KHDRBS1: variants seen among roughly 807,000 people sequenced by gnomAD.
KHDRBS1 encodes KH domain-containing, RNA-binding, signal transduction-associated protein 1.
Under a neutral mutation model 48.4 loss-of-function variants are expected in KHDRBS1, and 7 were observed. The observed-to-expected ratio is 0.14, with a 90% CI of 0.08 to 0.27. The LOEUF (loss-of-function observed/expected upper bound fraction) is 0.27, where lower values mean the gene tolerates loss of function less well. Ranked by LOEUF, KHDRBS1 falls within the 10% of genes least tolerant of loss-of-function variation. KHDRBS1 has a pLI of 1.00. For synonymous variants in KHDRBS1, 241 were observed against 235.8 expected (o/e 1.02, Z -0.20); for missense variants, 458 against 601.2 (o/e 0.76, Z 2.49).
At position 32,031,604 on chromosome 1, in the gene KHDRBS1, T is replaced by G; in HGVS notation, c.588T>G (p.Ser196=). 5 of 1,611,194 alleles carry G rather than the reference T, an allele frequency of 3.1e-6. No individual in the cohort carries two copies. The highest frequency in any genetic ancestry group is 4.2e-6 in the Non-Finnish European group (5 of 1,178,372). ...AGGAAGAGACTGGTGCAAAGATCTC[T>G]GTATTGGGAAAGGGCTCAATGAGAG... ...RLQEETGAKI[S]VLGKGSMRDK... The change falls in exon 3 of 9, where the codon TCT becomes TCG. Residue 196 remains serine, a synonymous_variant. Coordinates refer to ENST00000327300, the MANE Select transcript of KHDRBS1 (RefSeq NM_006559.3).
Position 32,037,923 on chromosome 1 carries a change from G to A in KHDRBS1, c.994G>A (p.Gly332Ser). 6.2e-7 allele frequency: 1 copy of A among 1,614,212 alleles called. No individual in the cohort carries two copies. Among genetic ancestry groups the A allele is most frequent in the Admixed American group, 1.7e-5 (1 of 60,028 alleles). ...CACCAGAGGTGCCACTGTGACTCGA[G>A]GCGTGCCACCCCCACCTACTGTGAG... is the stretch of plus-strand genomic sequence containing the variant. ...AITRGATVTR[G>S]VPPPPTVRGA... Residue 332 changes from glycine to serine, a missense_variant, in exon 6 of 9, where the codon GGC (glycine) becomes AGC (serine). Gly to Ser is a moderately conservative substitution (Grantham distance 56). Coordinates refer to ENST00000327300, the MANE Select transcript of KHDRBS1 (RefSeq NM_006559.3).
rs528054845 is a variant in KHDRBS1 at position 32,028,956 on chromosome 1, A to C, written c.383-1342A>C. ...ATAGTCTGGGAACTCCAGTATATAA[A>C]CAGTGAAGACAAGAGACCAGTCTGA... is the stretch of plus-strand genomic sequence containing the variant. On this transcript the variant is annotated intron_variant, in intron 1 of 8. Transcript: ENST00000327300. Among the ~76,000 whole-genome samples the C allele has an allele frequency of 2.6e-5, 4 of 152,224 alleles. No homozygotes were observed. In the South Asian group the frequency reaches 8.3e-4, roughly 32 times the overall value.
chr1:32,045,435 A>G (rs1639345601), downstream of KHDRBS1: 1 of 152,636 alleles, frequency 6.6e-6, no homozygotes, highest in African/African-American at 2.4e-5. Context: ...GCCTTTTATC[A>G]TAACTGTAAA....
chr1:32,019,396 A>G (rs1638810840), intron 1 of KHDRBS1, among the ~76,000 whole-genome samples: 1 of 152,046 alleles, frequency 6.6e-6, no homozygotes, highest in East Asian at 1.9e-4. Context: ...CTAAAAATAC[A>G]AAAATTAGTT....
chr1:32,050,765 C>T (rs1392231858), intron 10 of KHDRBS1, among the ~76,000 whole-genome samples: 1 of 151,960 alleles, frequency 6.6e-6, no homozygotes, highest in Non-Finnish European at 1.5e-5. Context: ...GGCAGTCCAC[C>T]CACCTCGGCC....
chr1:32,017,848 C>T (rs1270305995), intron 1 of KHDRBS1, among the ~76,000 whole-genome samples: 3 of 151,830 alleles, frequency 2.0e-5, no homozygotes, highest in Non-Finnish European at 4.4e-5. Context: ...CTCAGGTGAT[C>T]CGCCTGCCTC....
intron 10 of KHDRBS1, among the ~76,000 whole-genome samples, chr1:32,051,416 T>C (rs1639420478): frequency 6.6e-6 from 1 of 152,240 alleles, no homozygotes; most frequent in Non-Finnish European, 1.5e-5. Context: ...GATCAGATTA[T>C]TTTTACATCA....
At chr1:32,059,514 T>C (rs1639519639) in intron 10 of KHDRBS1, among the ~76,000 whole-genome samples, 1 of 151,130 alleles carries the variant, frequency 6.6e-6, no homozygotes, top group African/African-American at 2.4e-5. Flanking sequence ...TACTCCAGTC[T>C]GAGTGACAAA....
rs891316582 is a variant in KHDRBS1 at position 32,026,983 on chromosome 1, C to T, written c.383-3315C>T. ...CTAATTTTTATATTTTTAGTAGAGA[C>T]GGGGTTTCCCCATGTTGACCAAGCT... On this transcript the variant is annotated intron_variant, in intron 1 of 8. Coordinates refer to ENST00000327300, the MANE Select transcript of KHDRBS1 (RefSeq NM_006559.3). 1.5e-4 allele frequency among the ~76,000 whole-genome samples: 23 copies of T among 152,152 alleles called. 1 individual carries two copies. Among genetic ancestry groups the T allele is most frequent in the Non-Finnish European group, 1.5e-5 (1 of 68,030 alleles).
chr1:32,017,903 G>C (rs766399362), intron 1 of KHDRBS1, among the ~76,000 whole-genome samples: 85 of 151,844 alleles, frequency 5.6e-4, no homozygotes, highest in African/African-American at 2.0e-3. Context: ...CACTGCGCCC[G>C]GCCTATTTTT....
intron 10 of KHDRBS1, among the ~76,000 whole-genome samples, chr1:32,054,794 A>G (rs1013746550): frequency 6.6e-6 from 1 of 152,154 alleles, no homozygotes; most frequent in East Asian, 1.9e-4. Context: ...TTTTAAGCTC[A>G]TCGGCTGTCG....
Position 32,038,017 on chromosome 1 carries a change from CAGAAACATATGA to C in KHDRBS1, c.1093_1104del (p.Thr365_Glu368del). Reference sequence around the variant, plus strand: ...ATACCTTTGCCTCCACCTCCTGCACCAGAAACATATGAAGAATATGTAAGAAATTTGAACAAT... The same window carrying C: ...ATACCTTTGCCTCCACCTCCTGCACCAGAATATGTAAGAAATTTGAACAAT... On this transcript the variant is annotated inframe_deletion, in exon 6 of 9. Transcript: ENST00000327300. The C allele has an allele frequency of 6.2e-7, 1 of 1,614,164 alleles. No homozygotes were observed. The highest frequency in any genetic ancestry group is 8.5e-7 in the Non-Finnish European group (1 of 1,180,018).
intron 1 of KHDRBS1, among the ~76,000 whole-genome samples, chr1:32,026,690 A>G (rs973163915): frequency 6.6e-5 from 10 of 152,332 alleles, no homozygotes; most frequent in Non-Finnish European, 1.2e-4. Flanking sequence ...TGCACTGACC[A>G]AGGTTTCTGG....
At chr1:32,023,443 A>G (rs1156923484) in intron 1 of KHDRBS1, among the ~76,000 whole-genome samples, 1 of 152,214 alleles carries the variant, frequency 6.6e-6, no homozygotes, top group Non-Finnish European at 1.5e-5. Flanking sequence ...AATAATAAAT[A>G]CAAAATTCCT....
intron 7 of KHDRBS1, 63 bp downstream of exon 7, chr1:32,038,682 CAG>C (rs1639230320): frequency 1.3e-6 from 2 of 1,504,076 alleles, no homozygotes; most frequent in Non-Finnish European, 1.8e-6. Context: ...GTTGGAGGAA[CAG>C]AGAGATTTAG....
chr1:32,026,743 GC>G (rs1638979262), intron 1 of KHDRBS1, among the ~76,000 whole-genome samples: 2 of 152,264 alleles, frequency 1.3e-5, no homozygotes, highest in Non-Finnish European at 2.9e-5. Context: ...CTCAATGGTA[GC>G]CCTCGGAAGC....
At chr1:32,019,483 G>C (rs1192216699) in intron 1 of KHDRBS1, among the ~76,000 whole-genome samples, 1 of 152,098 alleles carries the variant, frequency 6.6e-6, no homozygotes, top group Non-Finnish European at 1.5e-5. Context: ...CCGGGAGACA[G>C]AGGTTGCAGT....
At chr1:32,057,777 C>T (rs1220649954) in intron 10 of KHDRBS1, among the ~76,000 whole-genome samples, 7 of 146,974 alleles carry the variant, frequency 4.8e-5, no homozygotes, top group East Asian at 2.0e-4. Flanking sequence ...CCAGCCTGGG[C>T]GACAGAGCGA....
At chr1:32,032,474 A>G (rs1033824210) in intron 3 of KHDRBS1, among the ~76,000 whole-genome samples, 2 of 152,210 alleles carry the variant, frequency 1.3e-5, no homozygotes, top group African/African-American at 4.8e-5. Flanking sequence ...CCATATAAGC[A>G]GATAAGCAGA....
Sources: gnomAD v4.1 joint callset for allele counts (sites outside exome capture counted in the v4.1 genomes callset) on GRCh38, gnomAD v4.1.1 for gene constraint, MANE v1.5 for transcripts, NCBI Gene and HGNC (gene_info 2026-07-23, HGNC 2026-07-21) for gene names.